The following POU1F1 variants were observed in gnomAD, a reference collection of about 807,000 sequenced individuals.
POU1F1 encodes POU class 1 homeobox 1, also known as pituitary-specific positive transcription factor 1.
In POU1F1, 23 loss-of-function variants were observed where a neutral mutation model predicts 32.3. The ratio of observed to expected loss-of-function variants is 0.71; its 90% CI spans 0.51 to 1.01. The LOEUF is 1.01. POU1F1 is among the 50% of genes least tolerant of loss of function. The pLI is 0.00. For synonymous variants in POU1F1, 120 were observed against 115.6 expected (o/e 1.04, Z -0.25); for missense variants, 323 against 341.6 (o/e 0.95, Z 0.43).
intron 2 of POU1F1, among the ~76,000 whole-genome samples, chr3:87,267,208 T>A (rs1214631047): frequency 6.6e-6 from 1 of 152,190 alleles, no homozygotes; most frequent in Non-Finnish European, 1.5e-5. Flanking sequence ...TGCAACACTT[T>A]GTGTCGTGTT....
chr3:87,264,233 C>A, intron 3 of POU1F1, 55 bp downstream of exon 3: 4 of 1,341,210 alleles, frequency 3.0e-6, no homozygotes, highest in Non-Finnish European at 4.3e-6. Context: ...GATTTAACAG[C>A]AATAAAGATT....
rs755851820 is a variant in POU1F1 at position 87,260,109 on chromosome 3, C to CCG, written c.666-6_666-5insCG. 1.1e-5 allele frequency: 18 copies of CCG among 1,609,860 alleles called. No homozygotes were observed. The highest frequency in any genetic ancestry group is 1.4e-5 in the Non-Finnish European group (16 of 1,177,852). Reference sequence around the variant, plus strand: ...AGAGCATCTTTAGCAGCAATGCTGGCGGGGGGTGGACATAGGGGGTGAAAT... The same window carrying CCG: ...AGAGCATCTTTAGCAGCAATGCTGGCCGGGGGGGTGGACATAGGGGGTGAAAT... On this transcript the variant is annotated splice_region_variant and splice_polypyrimidine_tract_variant and intron_variant, in intron 5 of 5. Coordinates refer to ENST00000350375, the MANE Select transcript of POU1F1 (RefSeq NM_000306.4).
rs1351027741 is a variant in POU1F1, at chr3:87,259,742, G to A, written c.*152C>T. 6 of 664,026 alleles carry A rather than the reference G, an allele frequency of 9.0e-6. No individual in the cohort carries two copies. The East Asian group carries it at 1.4e-4, about 15-fold the overall frequency. 41.1% of individuals were successfully genotyped at this position (664,026 alleles called of 1,614,324 possible). A position where few individuals can be genotyped will look rare whatever the true frequency, so the allele number is the denominator to read the frequency against. On this transcript the variant is annotated 3_prime_UTR_variant, in exon 6 of 6. Coordinates refer to ENST00000350375, the MANE Select transcript of POU1F1 (RefSeq NM_000306.4). ...AACATCAATATAATTTAAATTGTTG[G>A]TTTCTTTTTTTTAAAAAAAAGTGGA...
chr3:87,267,472 C>T (rs1380737409), intron 2 of POU1F1, among the ~76,000 whole-genome samples: 13 of 152,150 alleles, frequency 8.5e-5, no homozygotes, highest in Admixed American at 8.5e-4. Context: ...AATAACTTCT[C>T]TTTAAAAGGT....
In POU1F1 at chr3:87,261,140, A is replaced by C; in HGVS notation, c.665+133T>G. 14 of 653,804 alleles carry C rather than the reference A, an allele frequency of 2.1e-5. No homozygotes were observed. The South Asian group carries it at 2.3e-4, about 11-fold the overall frequency. 40.5% of individuals were successfully genotyped at this position (653,804 alleles called of 1,614,324 possible). On this transcript the variant is annotated intron_variant, in intron 5 of 5. Transcript: ENST00000350375. Reference sequence around the variant, plus strand: ...TGGCCAGACTGGTCTCGAGCTCCTGACCTCAGGCCCGCCTTGGCCTCCCAA... The same window carrying C: ...TGGCCAGACTGGTCTCGAGCTCCTGCCCTCAGGCCCGCCTTGGCCTCCCAA...
At chr3:87,267,079 T>C (rs1559616603) in intron 2 of POU1F1, among the ~76,000 whole-genome samples, 3 of 152,190 alleles carry the variant, frequency 2.0e-5, no homozygotes, top group African/African-American at 7.2e-5. Context: ...TTATTTTATA[T>C]AAAAAATTTG....
intron 2 of POU1F1, among the ~76,000 whole-genome samples, chr3:87,271,215 TG>T (rs1006657346): frequency 6.6e-6 from 1 of 152,102 alleles, no homozygotes; most frequent in Non-Finnish European, 1.5e-5. Flanking sequence ...GAGTTCATGC[TG>T]GAGGAAACTT....
rs1559613824 is a variant in POU1F1 at position 87,260,102 on chromosome 3, AT to A, written c.667del (p.Ile223LeufsTer23). Reference sequence around the variant, plus strand: ...TCTCTCCAGAGCATCTTTAGCAGCAATGCTGGCGGGGGGTGGACATAGGGGG... The same window carrying A: ...TCTCTCCAGAGCATCTTTAGCAGCAAGCTGGCGGGGGGTGGACATAGGGGG... ...RKRKRRTTIS[I>X]AAKDALERHF... On this transcript the variant is annotated frameshift_variant and splice_region_variant, in exon 6 of 6. Transcript: ENST00000350375. LOFTEE classifies it high-confidence loss of function. 6.2e-7 allele frequency: 1 copy of A among 1,612,596 alleles called. No individual in the cohort carries two copies.
At chr3:87,266,854 GT>G (rs1706630375) in intron 2 of POU1F1, among the ~76,000 whole-genome samples, 1 of 151,876 alleles carries the variant, frequency 6.6e-6, no homozygotes, top group South Asian at 2.1e-4. Flanking sequence ...CTGAAGACTT[GT>G]TTTGTGCTTA....
intron 2 of POU1F1, among the ~76,000 whole-genome samples, chr3:87,269,261 C>T (rs1481338076): frequency 1.3e-5 from 2 of 152,060 alleles, no homozygotes; most frequent in African/African-American, 4.8e-5. Flanking sequence ...ATTTGAAATG[C>T]CTATTTCTTT....
chr3:87,259,447 A>G lies in POU1F1; in HGVS notation c.*447T>C, dbSNP rs1706462839. On this transcript the variant is annotated 3_prime_UTR_variant, in exon 6 of 6. Transcript: ENST00000350375. ...CTTAAGTTCAAAACTTTTAGTTCAG[A>G]CAAATTAGTAGAGTTGGTAGAAAGC... is the stretch of plus-strand genomic sequence containing the variant. 1 of 162,712 alleles carries G rather than the reference A, an allele frequency of 6.1e-6. No homozygotes were observed. The highest frequency in any genetic ancestry group is 1.7e-4 in the South Asian group (1 of 6,014). The allele number at this position is 162,712 out of a possible 1,614,324, so 10.1% of individuals were successfully genotyped here.
At chr3:87,264,223 G>T in intron 3 of POU1F1, 65 bp downstream of exon 3, 1 of 1,277,978 alleles carries the variant, frequency 7.8e-7, no homozygotes, top group Non-Finnish European at 1.1e-6. Flanking sequence ...ATATATAAGA[G>T]ATTTAACAGC....
intron 2 of POU1F1, 134 bp from the exon 3 acceptor site, chr3:87,264,646 A>G (rs1706583286): frequency 2.8e-6 from 2 of 714,984 alleles, no homozygotes; most frequent in South Asian, 1.7e-5. Flanking sequence ...GTTACCTTAC[A>G]TTCAGTCTTC....
chr3:87,271,009 G>C (rs1706712198), intron 2 of POU1F1, among the ~76,000 whole-genome samples: 1 of 152,062 alleles, frequency 6.6e-6, no homozygotes, highest in Non-Finnish European at 1.5e-5. Flanking sequence ...ATATCTTTGT[G>C]CTTGTGATGG....
At chr3:87,271,021 G>A (rs567488150) in intron 2 of POU1F1, among the ~76,000 whole-genome samples, 23 of 152,100 alleles carry the variant, frequency 1.5e-4, no homozygotes, top group African/African-American at 5.3e-4. Flanking sequence ...TTGTGATGGT[G>A]AGTTTTTCTT....
intron 2 of POU1F1, among the ~76,000 whole-genome samples, chr3:87,270,080 T>G (rs1332760309): frequency 1.3e-5 from 2 of 152,174 alleles, no homozygotes; most frequent in East Asian, 1.9e-4. Flanking sequence ...TAGGAGAGAC[T>G]TTGAACAGCA....
rs762819183 is a variant in POU1F1 at position 87,264,306 on chromosome 3, C to T, written c.421G>A (p.Val141Met). ...CACATACCTAATTTAATTCGTCTCA[C>T]TTTAAATTCATTGGCAAACTTTTCA... ...ELEKFANEFK[V>M]RRIKLGYTQT... The change falls in exon 3 of 6, where the codon GTG becomes ATG. Residue 141 changes from valine (V) to methionine (M), a missense_variant. Transcript: ENST00000350375. 2.4e-5 allele frequency: 39 copies of T among 1,612,372 alleles called. No individual in the cohort carries two copies. The highest frequency in any genetic ancestry group is 3.3e-5 in the Non-Finnish European group (39 of 1,178,566).
intron 2 of POU1F1, among the ~76,000 whole-genome samples, chr3:87,269,695 T>TCATCTCAATC (rs1352604497): frequency 4.6e-5 from 7 of 152,218 alleles, no homozygotes; most frequent in African/African-American, 1.7e-4. Flanking sequence ...CAATCTTTTC[T>TCATCTCAATC]TTTAATATCC....
intron 1 of POU1F1, among the ~76,000 whole-genome samples, chr3:87,274,250 A>C (rs1318973431): frequency 6.6e-6 from 1 of 152,156 alleles, no homozygotes; most frequent in Non-Finnish European, 1.5e-5. Flanking sequence ...TTTGGAAGTA[A>C]ACTGGAATTA....
Sources: gnomAD v4.1 joint callset for allele counts (sites outside exome capture counted in the v4.1 genomes callset) on GRCh38, gnomAD v4.1.1 for gene constraint, MANE v1.5 for transcripts, NCBI Gene and HGNC (gene_info 2026-07-23, HGNC 2026-07-21) for gene names.